Variants in VWA3B observed in about 807,000 individuals in gnomAD.
The protein encoded by VWA3B is von Willebrand factor A domain-containing protein 3B.
A neutral mutation model predicts 158.3 loss-of-function variants in VWA3B; 138 were observed. The observed-to-expected ratio is 0.87, with a 90% CI of 0.76 to 1.00. The LOEUF (loss-of-function observed/expected upper bound fraction) is 1.00. VWA3B is among the 50% of genes least tolerant of loss of function. VWA3B has a pLI of 0.00. For synonymous variants in VWA3B, 596 were observed against 587.3 expected (o/e 1.01, Z -0.21); for missense variants, 1,555 against 1,565.1 (o/e 0.99, Z 0.11).
intron 5 of VWA3B, among the ~76,000 whole-genome samples, chr2:98,123,260 T>C (rs865835208): frequency 2.0e-4 from 30 of 152,208 alleles, no homozygotes; most frequent in African/African-American, 6.8e-4. Context: ...AGACTGTTCC[T>C]ACTGATGACA....
Position 98,230,084 on chromosome 2 carries a change from C to T in VWA3B, c.2185C>T (p.Pro729Ser), listed in dbSNP as rs370004364. 32 of 1,599,926 alleles carry T rather than the reference C, an allele frequency of 2.0e-5. No individual in the cohort carries two copies. Among genetic ancestry groups the T allele is most frequent in the African/African-American group, 2.7e-5 (2 of 73,952 alleles). ...QKEICSMIST[P>S]EKCAKPQSDV... ...GGAAATCTGTTCTATGATTTCAACCCCAGAAAAGTGTGCAAAGCCTCAATC... is the reference window on the plus strand; with the variant it reads ...GGAAATCTGTTCTATGATTTCAACCTCAGAAAAGTGTGCAAAGCCTCAATC... Residue 729 changes from proline to serine, a missense_variant, in exon 16 of 28, where the codon CCA becomes TCA. Transcript: ENST00000477737.
chr2:98,174,493 CT>C (rs1425032137), intron 8 of VWA3B, among the ~76,000 whole-genome samples: 2 of 152,214 alleles, frequency 1.3e-5, no homozygotes, highest in African/African-American at 4.8e-5. Context: ...TGGGAAAAGC[CT>C]TTTCCCTGGG....
In VWA3B at chr2:98,303,715, G is replaced by A. The variant is rs760289046; in HGVS notation, c.3434G>A (p.Arg1145Gln). 3.2e-5 allele frequency: 51 copies of A among 1,613,846 alleles called. No individual in the cohort carries two copies. Among genetic ancestry groups the A allele is most frequent in the African/African-American group, 2.4e-4 (18 of 74,848 alleles). The stretch of plus-strand genomic sequence containing the variant: ...GTATTATTACAGGAATTTTGCCCTC[G>A]GAGTGCACTTATTAAGATCAGCCAA... Reference protein sequence around the residue: ...KCNNRREFCPRSALIKISQNK... With the variant: ...KCNNRREFCPQSALIKISQNK... The change falls in exon 26 of 28, where the codon CGG becomes CAG. Residue 1145 changes from arginine to glutamine, a missense_variant. Arg to Gln is a conservative substitution (Grantham distance 43, BLOSUM62 1). Coordinates refer to ENST00000477737, the MANE Select transcript of VWA3B (RefSeq NM_144992.5).
intron 2 of VWA3B, among the ~76,000 whole-genome samples, chr2:98,109,636 T>C (rs983724858): frequency 2.0e-5 from 3 of 152,138 alleles, no homozygotes; most frequent in Admixed American, 1.3e-4. Context: ...GTTCCTTCTT[T>C]TGTTATTTTC....
chr2:98,266,126 AT>A (rs1366291906), intron 21 of VWA3B, among the ~76,000 whole-genome samples: 5 of 149,446 alleles, frequency 3.3e-5, no homozygotes, highest in Non-Finnish European at 7.5e-5. Context: ...GCCCATGCCT[AT>A]GTCCTGAATG....
At chr2:98,193,127 C>T in intron 11 of VWA3B, 91 bp downstream of exon 11, 1 of 1,479,520 alleles carries the variant, frequency 6.8e-7, no homozygotes, top group Non-Finnish European at 9.0e-7. Context: ...TAAAAAATTC[C>T]TAAGAAAGCC....
intron 9 of VWA3B, among the ~76,000 whole-genome samples, chr2:98,182,099 C>G (rs924013013): frequency 1.3e-5 from 2 of 152,206 alleles, no homozygotes; most frequent in African/African-American, 2.4e-5. Context: ...TGAAGTGAAC[C>G]TAAAATGCAA....
chr2:98,144,566 CT>C (rs34924678), intron 7 of VWA3B, among the ~76,000 whole-genome samples: 61,900 of 143,734 alleles, frequency 0.43, 13,137 homozygotes, highest in African/African-American at 0.46. Context: ...TTCTTTCTTT[CT>C]TTTTTTTTTT....
chr2:98,169,800 G>GTT (rs1230347356), intron 8 of VWA3B, among the ~76,000 whole-genome samples: 3 of 150,890 alleles, frequency 2.0e-5, no homozygotes, highest in African/African-American at 7.3e-5. Flanking sequence ...CAAACATGAA[G>GTT]ATGGCTTTTC....
intron 19 of VWA3B, 115 bp downstream of exon 19, chr2:98,236,845 A>G (rs1283624665): frequency 7.1e-6 from 10 of 1,399,784 alleles, no homozygotes; most frequent in Non-Finnish European, 9.6e-6. Flanking sequence ...CCACTGGGGG[A>G]AAAAGTATTT....
At chr2:98,264,431 A>G (rs1687667835) in intron 21 of VWA3B, among the ~76,000 whole-genome samples, 1 of 152,036 alleles carries the variant, frequency 6.6e-6, no homozygotes, top group African/African-American at 2.4e-5. Flanking sequence ...TCCTTCATTT[A>G]TCTCAAGATA....
Position 98,179,832 on chromosome 2 carries a change from CTTTCTTTCTTTCTCTCTT to C in VWA3B, c.1115-1170_1115-1153del, listed in dbSNP as rs1308395409. Among the ~76,000 whole-genome samples the C allele has an allele frequency of 5.1e-4, 47 of 92,100 alleles. No homozygotes were observed. In the East Asian group the frequency reaches 9.4e-3, roughly 18 times the overall value. The allele number at this position is 92,100 out of a possible 152,430, so 60.4% of individuals were successfully genotyped here. On this transcript the variant is annotated intron_variant, in intron 8 of 27. Coordinates refer to ENST00000477737, the MANE Select transcript of VWA3B (RefSeq NM_144992.5). ...TTTCTTTCTTTCTTTCTTTCTTTTT[CTTTCTTTCTTTCTCTCTT>C]TTTCTTTCTTTCTTCTCTCTCCTTC...
intron 2 of VWA3B, among the ~76,000 whole-genome samples, chr2:98,106,709 A>C (rs1445789699): frequency 6.6e-6 from 1 of 152,236 alleles, no homozygotes. Flanking sequence ...GTATATAGAA[A>C]TATGACTGAC....
intron 13 of VWA3B, chr2:98,217,033 T>C: frequency 8.2e-7 from 1 of 1,222,252 alleles, no homozygotes. Flanking sequence ...ACTGGCATGA[T>C]GTTCAAGTGC....
Position 98,138,856 on chromosome 2 carries a change from C to T in VWA3B, c.988+4917C>T, listed in dbSNP as rs564755773. Among the ~76,000 whole-genome samples the T allele has an allele frequency of 1.8e-3, 267 of 152,366 alleles. 1 individual carries two copies. Among genetic ancestry groups the T allele is most frequent in the African/African-American group, 6.2e-3 (256 of 41,586 alleles). ...ACAGCGTGCTGGCAGTCCTCACAGC[C>T]TCGCTCACTCTCAGTGCCTCCTCTG... On this transcript the variant is annotated intron_variant, in intron 7 of 27. Coordinates refer to ENST00000477737, the MANE Select transcript of VWA3B (RefSeq NM_144992.5).
downstream of VWA3B, among the ~76,000 whole-genome samples, chr2:98,316,791 C>T (rs1045773603): frequency 1.3e-5 from 2 of 151,840 alleles, no homozygotes; most frequent in African/African-American, 2.4e-5. Flanking sequence ...CTTAGGAGAT[C>T]GGTTGTTTAA....
intron 7 of VWA3B, among the ~76,000 whole-genome samples, chr2:98,156,944 A>T (rs1298557422): frequency 2.0e-5 from 3 of 151,938 alleles, no homozygotes; most frequent in Non-Finnish European, 4.4e-5. Flanking sequence ...AGTTTGGGGG[A>T]GCACCTACCC....
intron 22 of VWA3B, among the ~76,000 whole-genome samples, chr2:98,281,225 C>T (rs942653991): frequency 6.6e-6 from 1 of 152,188 alleles, no homozygotes; most frequent in Admixed American, 6.5e-5. Flanking sequence ...AGTTCCCAAA[C>T]GCTTCAGGTT....
intron 12 of VWA3B, among the ~76,000 whole-genome samples, chr2:98,209,871 C>T (rs1233642635): frequency 6.6e-6 from 1 of 152,164 alleles, no homozygotes; most frequent in Non-Finnish European, 1.5e-5. Context: ...GGCGCAGTCG[C>T]TGTGTTTGGG....
Sources: allele counts gnomAD v4.1 joint callset (sites outside exome capture counted in the v4.1 genomes callset), GRCh38; gene constraint gnomAD v4.1.1; transcripts MANE v1.5; gene names NCBI Gene and HGNC (gene_info 2026-07-23, HGNC 2026-07-21).